The following FBXW8 variants were observed in gnomAD, a reference collection of about 807,000 sequenced individuals.
FBXW8 encodes the protein F-box and WD repeat domain containing 8, also known as F-box/WD repeat-containing protein 8.
A neutral mutation model predicts 65.3 loss-of-function variants in FBXW8; 57 were observed. The observed-to-expected ratio is 0.87, with a 90% CI of 0.71 to 1.09. The LOEUF is 1.09. Ranked by LOEUF, FBXW8 falls within the 50% of genes least tolerant of loss-of-function variation. The pLI, the probability that FBXW8 is intolerant of heterozygous loss-of-function variation, is 0.00. For missense variants in FBXW8, 777 were observed against 814.8 expected, an observed-to-expected ratio of 0.95 and a Z score of 0.57; for synonymous variants, 308 against 330.2, an observed-to-expected ratio of 0.93 and a Z score of 0.73.
chr12:116,978,553 A>T (rs1247285033), intron 5 of FBXW8: 4 of 152,200 alleles, frequency 2.6e-5, no homozygotes, highest in Admixed American at 2.6e-4. Context: ...TTCATTCAGT[A>T]TCTCTGAACG....
chr12:116,960,869 T>A (rs1425137128), intron 4 of FBXW8, among the ~76,000 whole-genome samples: 2 of 152,150 alleles, frequency 1.3e-5, no homozygotes, highest in Admixed American at 6.5e-5. Flanking sequence ...ATAAAGGGCA[T>A]AGTAGTTGAG....
At chr12:116,953,456 T>C (rs1420862975) in intron 4 of FBXW8, among the ~76,000 whole-genome samples, 1 of 152,222 alleles carries the variant, frequency 6.6e-6, no homozygotes, top group Non-Finnish European at 1.5e-5. Flanking sequence ...GTTTTTCTTT[T>C]GTGGCATGTG....
intron 1 of FBXW8, among the ~76,000 whole-genome samples, chr12:116,922,892 T>C (rs79408786): frequency 6.6e-4 from 100 of 152,246 alleles, no homozygotes; most frequent in African/African-American, 2.2e-3. Flanking sequence ...TTCTCAACTT[T>C]TAGTGTGCAT....
intron 7 of FBXW8, among the ~76,000 whole-genome samples, chr12:117,008,036 T>C (rs1347527129): frequency 6.6e-6 from 1 of 152,208 alleles, no homozygotes; most frequent in East Asian, 1.9e-4. Context: ...GATGTCTTTA[T>C]GATGAATTTG....
intron 7 of FBXW8, chr12:117,002,815 C>CT (rs1172608278): frequency 6.6e-6 from 1 of 152,108 alleles, no homozygotes; most frequent in Non-Finnish European, 1.5e-5. Flanking sequence ...CCCCAGTTGT[C>CT]TATCTTTCTC....
At chr12:116,975,275 G>C (rs1884856573) in intron 5 of FBXW8, among the ~76,000 whole-genome samples, 1 of 151,632 alleles carries the variant, frequency 6.6e-6, no homozygotes, top group Non-Finnish European at 1.5e-5. Flanking sequence ...GTATAAACTG[G>C]GTGACTTATA....
At chr12:116,984,280 C>G (rs1414826255) in intron 5 of FBXW8, among the ~76,000 whole-genome samples, 2 of 152,174 alleles carry the variant, frequency 1.3e-5, no homozygotes, top group Non-Finnish European at 2.9e-5. Flanking sequence ...TTACTGGTGC[C>G]TGACAGTCTG....
At chr12:116,995,571 C>T (rs967750053) in intron 7 of FBXW8, among the ~76,000 whole-genome samples, 2 of 151,864 alleles carry the variant, frequency 1.3e-5, no homozygotes, top group Admixed American at 6.6e-5. Context: ...TTTTTTTCCT[C>T]AGTTCCTACG....
rs1422894201 is a variant in FBXW8 at position 116,927,960 on chromosome 12, G to A, written c.319-63G>A. On this transcript the variant is annotated intron_variant, in intron 1 of 10. Coordinates refer to ENST00000652555, the MANE Select transcript of FBXW8 (RefSeq NM_153348.3). ...ATATCTCTGGTCATTTAAAGGGCCT[G>A]TAAATTTGAGTTATTTTCATATCTA... The A allele has an allele frequency of 2.9e-6, 3 of 1,044,144 alleles. No homozygotes were observed. The East Asian group carries it at 7.5e-5, about 26-fold the overall frequency. 64.7% of individuals were successfully genotyped at this position (1,044,144 alleles called of 1,614,324 possible).
intron 5 of FBXW8, among the ~76,000 whole-genome samples, chr12:116,970,581 A>G (rs1884594358): frequency 6.6e-6 from 1 of 152,220 alleles, no homozygotes; most frequent in Admixed American, 6.5e-5. Flanking sequence ...AGGTACTTCT[A>G]AAGTTTTACT....
In FBXW8 at chr12:116,961,508, G is replaced by A. The variant is rs73397442; in HGVS notation, c.678-3189G>A. 0.024 allele frequency among the ~76,000 whole-genome samples: 3,593 copies of A among 152,258 alleles called. 146 individuals carry two copies. Among genetic ancestry groups the A allele is most frequent in the African/African-American group, 0.082 (3,402 of 41,522 alleles). On this transcript the variant is annotated intron_variant, in intron 4 of 10. Coordinates refer to ENST00000652555, the MANE Select transcript of FBXW8 (RefSeq NM_153348.3). The surrounding 1 kb of genome is among the most constrained non-coding windows in gnomAD (Gnocchi z 4.4). ...AGGCTGGGGAGAGGGGTGGAAGTTA[G>A]TTTGTGGTGGGTTTTCAGTAGGTCT... is the stretch of plus-strand genomic sequence containing the variant.
At chr12:116,994,737 TATA>T (rs1158586060) in intron 7 of FBXW8, among the ~76,000 whole-genome samples, 1 of 152,248 alleles carries the variant, frequency 6.6e-6, no homozygotes, top group Non-Finnish European at 1.5e-5. Context: ...TTTGCAACTT[TATA>T]ATATTACACT....
intron 4 of FBXW8, among the ~76,000 whole-genome samples, chr12:116,963,963 A>G (rs1437760563): frequency 6.6e-6 from 1 of 152,202 alleles, no homozygotes; most frequent in African/African-American, 2.4e-5. Context: ...CCACTTTATC[A>G]TCTGGCCATT....
At chr12:116,958,492 G>T (rs1186373785) in intron 4 of FBXW8, among the ~76,000 whole-genome samples, 2 of 152,130 alleles carry the variant, frequency 1.3e-5, no homozygotes, top group Non-Finnish European at 2.9e-5. Flanking sequence ...CCATCTTCTG[G>T]GTTTAAGTCA....
At chr12:116,968,929 G>T (rs1884486829) in intron 5 of FBXW8, among the ~76,000 whole-genome samples, 1 of 151,964 alleles carries the variant, frequency 6.6e-6, no homozygotes, top group South Asian at 2.1e-4. Flanking sequence ...TTAGCATGCA[G>T]TATGGTTCCA....
chr12:117,016,253 G>C (rs893693551), intron 8 of FBXW8, among the ~76,000 whole-genome samples: 2 of 152,170 alleles, frequency 1.3e-5, no homozygotes, highest in African/African-American at 4.8e-5. Flanking sequence ...CTCTTCTATA[G>C]TGGCTGTACC....
In FBXW8 at chr12:117,010,354, G is replaced by A. The variant is rs754445219; in HGVS notation, c.1271G>A (p.Arg424His). ...GTGTATAGCCTGGAAGCAGGACGCC[G>A]CCTCTTGAAGCTGGGTAACGTTCTC... ...ILVYSLEAGR[R>H]LLKLGNVLRD... is the part of the protein sequence containing the mutation. Residue 424 changes from arginine to histidine, a missense_variant, in exon 8 of 11, where the codon CGC (arginine) becomes CAC (histidine). Arg to His is a conservative substitution (Grantham distance 29). Coordinates refer to ENST00000652555, the MANE Select transcript of FBXW8 (RefSeq NM_153348.3). 5.6e-6 allele frequency: 9 copies of A among 1,614,172 alleles called. No individual in the cohort carries two copies. The highest frequency in any genetic ancestry group is 3.3e-5 in the South Asian group (3 of 91,070).
rs60066066 is a variant in FBXW8, at chr12:116,936,677, C to T, written c.423+8550C>T. On this transcript the variant is annotated intron_variant, in intron 2 of 10. Coordinates refer to ENST00000652555, the MANE Select transcript of FBXW8 (RefSeq NM_153348.3). The surrounding 1 kb of genome is among the most constrained non-coding windows in gnomAD (Gnocchi z 4.6). ...CAGCCCTGCCCACACCTTGCTTTTA[C>T]ACTTCTGGTCTCCGGAACTATAAGC... Among the ~76,000 whole-genome samples, 882 of 152,282 alleles carry T rather than the reference C, an allele frequency of 5.8e-3. 12 individuals are homozygous for T. The highest frequency in any genetic ancestry group is 0.02 in the African/African-American group (845 of 41,548).
intron 1 of FBXW8, among the ~76,000 whole-genome samples, chr12:116,912,028 T>C (rs778290485): frequency 2.0e-4 from 30 of 152,128 alleles, no homozygotes; most frequent in Non-Finnish European, 3.8e-4. Flanking sequence ...CTTCAGAAAG[T>C]TGGGAAAATC....
Sources: gnomAD v4.1 joint callset for allele counts (sites outside exome capture counted in the v4.1 genomes callset) on GRCh38, gnomAD v4.1.1 for gene constraint, Gnocchi (gnomAD v3.1) non-coding constraint, MANE v1.5 for transcripts, NCBI Gene and HGNC (gene_info 2026-07-23, HGNC 2026-07-21) for gene names.